The following ZPBP variants were observed in gnomAD, a reference collection of about 807,000 sequenced individuals.
ZPBP encodes zona pellucida-binding protein 1.
In ZPBP, 26 loss-of-function variants were observed where a neutral mutation model predicts 44.8. That is an observed-to-expected ratio of 0.58 (90% CI 0.43 to 0.81). The LOEUF is 0.81. ZPBP is among the 30% of genes least tolerant of loss of function. ZPBP has a pLI of 0.00. For missense variants in ZPBP, 409 were observed against 434.0 expected (o/e 0.94, Z 0.51); for synonymous variants, 174 against 153.2 (o/e 1.14, Z -1.00).
chr7:50,086,954 T>A (rs1802690761), intron 2 of ZPBP, among the ~76,000 whole-genome samples: 1 of 151,990 alleles, frequency 6.6e-6, no homozygotes, highest in Non-Finnish European at 1.5e-5. Flanking sequence ...GAGAAGCAAC[T>A]TATCCCACAC....
At chr7:49,851,969 T>TA (rs1790197686) in intron 2 of ZPBP, among the ~76,000 whole-genome samples, 1 of 152,290 alleles carries the variant, frequency 6.6e-6, no homozygotes, top group African/African-American at 2.4e-5. Context: ...TAAGGACTGC[T>TA]AGGCAGTGAA....
intron 7 of ZPBP, among the ~76,000 whole-genome samples, chr7:49,979,864 A>C (rs1322869771): frequency 7.9e-6 from 1 of 126,526 alleles, no homozygotes; most frequent in African/African-American, 2.9e-5. Context: ...ATATAATATA[A>C]TATAATATAT....
chr7:49,873,256 G>A (rs974569948), intron 2 of ZPBP, among the ~76,000 whole-genome samples: 1 of 152,162 alleles, frequency 6.6e-6, no homozygotes, highest in Admixed American at 6.5e-5. Context: ...TTGGTGGCTG[G>A]AAGTCCAATA....
intron 6 of ZPBP, among the ~76,000 whole-genome samples, chr7:50,009,180 T>C (rs568671296): frequency 6.9e-6 from 1 of 144,360 alleles, no homozygotes; most frequent in South Asian, 2.1e-4. Flanking sequence ...GAGGTTGCAG[T>C]GAGCCAAGAT....
At chr7:49,961,702 C>A (rs551864975) in intron 7 of ZPBP, among the ~76,000 whole-genome samples, 1 of 151,848 alleles carries the variant, frequency 6.6e-6, no homozygotes, top group Non-Finnish European at 1.5e-5. Flanking sequence ...TATTCGTGAT[C>A]CCAATAAGTG....
intron 6 of ZPBP, among the ~76,000 whole-genome samples, chr7:50,001,047 T>A (rs143053058): frequency 2.0e-5 from 3 of 152,234 alleles, no homozygotes; most frequent in African/African-American, 7.2e-5. Flanking sequence ...GCATGCCAAA[T>A]AGACAGGCCC....
intron 5 of ZPBP, among the ~76,000 whole-genome samples, chr7:50,029,560 G>T (rs1054778083): frequency 6.6e-6 from 1 of 152,142 alleles, no homozygotes; most frequent in Non-Finnish European, 1.5e-5. Flanking sequence ...AGAAATATTT[G>T]CATATCGCAT....
In ZPBP at chr7:50,058,154, G is replaced by A. The variant is rs1162805036; in HGVS notation, c.335-13C>T. ...GTGCGGTTTTCTACTAAAGGAATAA[G>A]ATACAGTTACGAGTTGCTTAAATTA... On this transcript the variant is annotated splice_polypyrimidine_tract_variant and intron_variant, in intron 3 of 7. Coordinates refer to ENST00000046087, the MANE Select transcript of ZPBP (RefSeq NM_007009.3). The A allele has an allele frequency of 6.2e-7, 1 of 1,613,258 alleles. No homozygotes were observed. The highest frequency in any genetic ancestry group is 1.7e-5 in the Admixed American group (1 of 59,984).
chr7:49,989,877 C>A (rs1373599908), intron 6 of ZPBP, among the ~76,000 whole-genome samples: 1 of 152,106 alleles, frequency 6.6e-6, no homozygotes, highest in Non-Finnish European at 1.5e-5. Context: ...ATCAAGGGAG[C>A]CAAACAAAGT....
At chr7:49,857,472 A>T (rs759345200) in intron 2 of ZPBP, among the ~76,000 whole-genome samples, 8 of 152,188 alleles carry the variant, frequency 5.3e-5, no homozygotes, top group East Asian at 3.8e-4. Context: ...AGGTATTGTG[A>T]ATAGTGCTGC....
At chr7:49,994,634 G>A (rs932803136) in intron 6 of ZPBP, among the ~76,000 whole-genome samples, 13 of 152,156 alleles carry the variant, frequency 8.5e-5, no homozygotes, top group African/African-American at 1.7e-4. Context: ...CTGTCTCTCC[G>A]AAGGAGAGTA....
intron 7 of ZPBP, among the ~76,000 whole-genome samples, chr7:49,967,345 G>C (rs1181260660): frequency 6.6e-6 from 1 of 152,150 alleles, no homozygotes; most frequent in East Asian, 1.9e-4. Flanking sequence ...TAATTTGGAA[G>C]CAGGTACCTT....
intron 5 of ZPBP, among the ~76,000 whole-genome samples, chr7:50,029,950 G>C (rs1799525725): frequency 6.6e-6 from 1 of 152,118 alleles, no homozygotes; most frequent in Admixed American, 6.5e-5. Flanking sequence ...CAGCTTCCCG[G>C]GTTCAAGTGA....
At chr7:50,075,063 T>C (rs1234596494) in intron 3 of ZPBP, among the ~76,000 whole-genome samples, 2 of 151,864 alleles carry the variant, frequency 1.3e-5, no homozygotes, top group East Asian at 3.8e-4. Context: ...TGAAATAATA[T>C]TAAGCATCTT....
chr7:50,024,932 C>T (rs1173313186), intron 5 of ZPBP, among the ~76,000 whole-genome samples: 2 of 151,776 alleles, frequency 1.3e-5, no homozygotes, highest in African/African-American at 4.8e-5. Context: ...TTAATATATA[C>T]ATATATGTGT....
At chr7:50,015,429 A>G (rs1327311923) in intron 6 of ZPBP, among the ~76,000 whole-genome samples, 2 of 152,144 alleles carry the variant, frequency 1.3e-5, no homozygotes, top group African/African-American at 4.8e-5. Context: ...CTCACGATGG[A>G]TTAAAGATTT....
At chr7:49,974,353 A>T (rs149887073) in intron 7 of ZPBP, among the ~76,000 whole-genome samples, 1 of 152,270 alleles carries the variant, frequency 6.6e-6, no homozygotes, top group East Asian at 1.9e-4. Context: ...GGTTAATGAG[A>T]AAGTTTGGGC....
At chr7:49,985,269 GT>G (rs1489376031) in intron 6 of ZPBP, among the ~76,000 whole-genome samples, 2 of 152,096 alleles carry the variant, frequency 1.3e-5, no homozygotes, top group African/African-American at 4.8e-5. Flanking sequence ...TATTAAAAAT[GT>G]TTTGGGTCTT....
intron 7 of ZPBP, among the ~76,000 whole-genome samples, chr7:49,981,638 A>C (rs1369339267): frequency 1.1e-5 from 1 of 90,308 alleles, no homozygotes; most frequent in Non-Finnish European, 1.9e-5. Context: ...TATATTATAT[A>C]TTATATAATA....
Sources: allele counts gnomAD v4.1 joint callset (sites outside exome capture counted in the v4.1 genomes callset), GRCh38; gene constraint gnomAD v4.1.1; transcripts MANE v1.5; gene names NCBI Gene and HGNC (gene_info 2026-07-23, HGNC 2026-07-21).